SLIT2: variants seen among roughly 807,000 people sequenced by gnomAD.
SLIT2 encodes the protein slit homolog 2 protein.
In SLIT2, 41 loss-of-function variants were observed where a neutral mutation model predicts 185.7. That is an observed-to-expected ratio of 0.22 (90% CI 0.17 to 0.29). The LOEUF (loss-of-function observed/expected upper bound fraction) is 0.29. Among genes scored for constraint, SLIT2 ranks in the 10% least tolerant of loss-of-function variants. SLIT2 has a pLI of 1.00. For missense variants in SLIT2, 1,571 were observed against 1,909.0 expected (o/e 0.82, Z 3.30); for synonymous variants, 693 against 680.2 (o/e 1.02, Z -0.29).
intron 4 of SLIT2, among the ~76,000 whole-genome samples, chr4:20,377,140 A>G (rs1003894460): frequency 2.0e-5 from 3 of 152,188 alleles, no homozygotes; most frequent in African/African-American, 4.8e-5. Flanking sequence ...AGGAAGAAGC[A>G]AATGGAACAT....
At chr4:20,445,487 T>C (rs1711664355) in intron 4 of SLIT2, among the ~76,000 whole-genome samples, 1 of 152,208 alleles carries the variant, frequency 6.6e-6, no homozygotes, top group African/African-American at 2.4e-5. Flanking sequence ...TGTCTCCTCT[T>C]TGTTAGACAT....
At chr4:20,369,371 C>T (rs1467576049) in intron 4 of SLIT2, among the ~76,000 whole-genome samples, 3 of 151,922 alleles carry the variant, frequency 2.0e-5, no homozygotes, top group African/African-American at 7.3e-5. Context: ...TAGCAGGGGT[C>T]GGTAAACTAC....
intron 4 of SLIT2, among the ~76,000 whole-genome samples, chr4:20,405,924 C>A (rs1435056038): frequency 2.8e-5 from 3 of 107,216 alleles, no homozygotes; most frequent in Non-Finnish European, 6.8e-5. Flanking sequence ...CAAACATTAC[C>A]TTGGCTGTTC....
chr4:20,435,787 T>C (rs1266249946), intron 4 of SLIT2, among the ~76,000 whole-genome samples: 1 of 152,130 alleles, frequency 6.6e-6, no homozygotes, highest in Non-Finnish European at 1.5e-5. Context: ...TAAAAATGGA[T>C]TGTGGCATGC....
intron 8 of SLIT2, chr4:20,490,690 G>A: frequency 2.7e-6 from 2 of 741,708 alleles, no homozygotes; most frequent in East Asian, 5.5e-5. Flanking sequence ...ATAATATCAT[G>A]GAATGTTCTC....
intron 4 of SLIT2, among the ~76,000 whole-genome samples, chr4:20,461,472 C>T (rs1202383745): frequency 6.6e-6 from 1 of 152,138 alleles, no homozygotes; most frequent in Non-Finnish European, 1.5e-5. Context: ...ACACTTTGAG[C>T]TTTCCTTTGT....
At chr4:20,456,414 A>G (rs1713077673) in intron 4 of SLIT2, among the ~76,000 whole-genome samples, 2 of 152,050 alleles carry the variant, frequency 1.3e-5, no homozygotes, top group African/African-American at 2.4e-5. Context: ...GACCATCCCC[A>G]TCACTGTCCC....
intron 4 of SLIT2, among the ~76,000 whole-genome samples, chr4:20,296,118 C>A (rs1716448254): frequency 6.6e-6 from 1 of 152,180 alleles, no homozygotes; most frequent in African/African-American, 2.4e-5. Flanking sequence ...AAATTAATTT[C>A]TCCTTTTGTT....
At position 20,268,862 on chromosome 4, in the gene SLIT2, A is replaced by T. The variant is rs202074735; in HGVS notation, c.376A>T (p.Thr126Ser). 120 of 1,607,964 alleles carry T rather than the reference A, an allele frequency of 7.5e-5. 1 individual carries two copies. The highest frequency in any genetic ancestry group is 4.8e-4 in the Admixed American group (29 of 59,874). ...QLFPELLFLG[T>S]AKLYRLDLSE... ...GTTTCCTGAGTTGCTGTTTCTTGGG[A>T]CTGCGAAGCTATACAGGCTGTAAGT... The change falls in exon 4 of 37, where the codon ACT becomes TCT. Residue 126 changes from threonine (T) to serine (S), a missense_variant. Transcript: ENST00000504154.
rs554337363 is a variant in SLIT2 at position 20,373,240 on chromosome 4, CT to C, written c.396-94507del. ...GCTATTATCATACTCAAGAAAACTG[CT>C]TTTTCACTTTGTTTAAACTGTATTT... On this transcript the variant is annotated intron_variant, in intron 4 of 36. Coordinates refer to ENST00000504154, the MANE Select transcript of SLIT2 (RefSeq NM_004787.4). Among the ~76,000 whole-genome samples, 7 of 152,158 alleles carry C rather than the reference CT, an allele frequency of 4.6e-5. No individual in the cohort carries two copies. In the South Asian group the frequency reaches 1.2e-3, roughly 27 times the overall value.
At chr4:20,470,519 TGTGTGTG>T (rs1714871499) in intron 5 of SLIT2, among the ~76,000 whole-genome samples, 1 of 150,684 alleles carries the variant, frequency 6.6e-6, no homozygotes, top group Non-Finnish European at 1.5e-5. Context: ...TGTGTGTGTG[TGTGTGTG>T]TGTGTGTAAT....
intron 29 of SLIT2, among the ~76,000 whole-genome samples, chr4:20,570,175 T>C (rs1725447287): frequency 6.6e-6 from 1 of 152,028 alleles, no homozygotes; most frequent in Non-Finnish European, 1.5e-5. Flanking sequence ...AAGCACCCAA[T>C]GTCATGTAAA....
Position 20,595,834 on chromosome 4 carries a change from G to C in SLIT2, c.3320G>C (p.Ser1107Thr). ...GYTCICPEGY[S>T]GLFCEFSPPM... Reference sequence around the variant, plus strand: ...ACGTGCATATGCCCCGAAGGTTACAGGTAAAAGCAGAAATGAATAAGACCT... The same window carrying C: ...ACGTGCATATGCCCCGAAGGTTACACGTAAAAGCAGAAATGAATAAGACCT... The change falls in exon 31 of 37, where the codon AGT becomes ACT. Residue 1107 changes from serine to threonine, a missense_variant and splice_region_variant. Physicochemically the swap from Ser to Thr is moderately conservative, Grantham distance 58. Transcript: ENST00000504154. The C allele has an allele frequency of 6.2e-7, 1 of 1,612,800 alleles. No individual in the cohort carries two copies. The highest frequency in any genetic ancestry group is 8.5e-7 in the Non-Finnish European group (1 of 1,178,992).
At chr4:20,426,162 C>T (rs1728541963) in intron 4 of SLIT2, among the ~76,000 whole-genome samples, 1 of 152,154 alleles carries the variant, frequency 6.6e-6, no homozygotes, top group African/African-American at 2.4e-5. Context: ...CTGACTTTGG[C>T]TTAACCAACA....
Position 20,501,811 on chromosome 4 carries a change from G to A in SLIT2, c.915-8684G>A, listed in dbSNP as rs77051129. Among the ~76,000 whole-genome samples, 142 of 152,214 alleles carry A rather than the reference G, an allele frequency of 9.3e-4. 2 individuals carry two copies. In the East Asian group the frequency reaches 0.027, roughly 29 times the overall value. On this transcript the variant is annotated intron_variant, in intron 9 of 36. Coordinates refer to ENST00000504154, the MANE Select transcript of SLIT2 (RefSeq NM_004787.4). ...TAATTGTATATGCGTATCTTGAGCA[G>A]CCTTTAATTGTCATTGAAAGAATAA...
intron 4 of SLIT2, among the ~76,000 whole-genome samples, chr4:20,366,219 C>A (rs763818727): frequency 6.6e-6 from 1 of 152,030 alleles, no homozygotes; most frequent in Non-Finnish European, 1.5e-5. Flanking sequence ...TTCTCCTACT[C>A]TTTATTCTAT....
intron 4 of SLIT2, among the ~76,000 whole-genome samples, chr4:20,329,440 G>T (rs1041307529): frequency 1.3e-5 from 2 of 151,896 alleles, no homozygotes; most frequent in African/African-American, 4.8e-5. Flanking sequence ...AAGGAGAATT[G>T]TTTTACCACA....
intron 4 of SLIT2, among the ~76,000 whole-genome samples, chr4:20,271,396 A>G (rs966723767): frequency 2.7e-5 from 4 of 146,996 alleles, no homozygotes; most frequent in East Asian, 1.9e-4. Flanking sequence ...TGACATTTAT[A>G]TAATATATAA....
chr4:20,569,382 T>G (rs1039099611), intron 29 of SLIT2: 5 of 219,284 alleles, frequency 2.3e-5, no homozygotes, highest in Non-Finnish European at 4.6e-5. Context: ...ATAATTAAGC[T>G]TTTGAGATCA....
Sources: gnomAD v4.1 joint callset for allele counts (sites outside exome capture counted in the v4.1 genomes callset) on GRCh38, gnomAD v4.1.1 for gene constraint, MANE v1.5 for transcripts, NCBI Gene and HGNC (gene_info 2026-07-23, HGNC 2026-07-21) for gene names.